FLT3: variants seen among roughly 807,000 people sequenced by gnomAD.
The protein encoded by FLT3 is fms related receptor tyrosine kinase 3, also known as receptor-type tyrosine-protein kinase FLT3.
In FLT3, 46 loss-of-function variants were observed where a neutral mutation model predicts 126.6. That is an observed-to-expected ratio of 0.36 (90% CI 0.29 to 0.46). FLT3 has a LOEUF of 0.46. FLT3 is among the 20% of genes least tolerant of loss of function. FLT3 has a pLI of 1.00. For synonymous variants in FLT3, 404 were observed against 434.4 expected (o/e 0.93, Z 0.87); for missense variants, 1,069 against 1,190.3 (o/e 0.90, Z 1.50).
intron 1 of FLT3, among the ~76,000 whole-genome samples, chr13:28,092,850 C>T (rs1448057887): frequency 6.7e-6 from 1 of 149,648 alleles, no homozygotes; most frequent in Non-Finnish European, 1.5e-5. Context: ...AAAAAGCATG[C>T]TCACACACAC....
chr13:28,025,371 T>G (rs1461664761), intron 17 of FLT3: 1 of 453,474 alleles, frequency 2.2e-6, no homozygotes, highest in East Asian at 6.9e-5. Context: ...CGTTTCACCA[T>G]CCTTCTTTTT....
At chr13:28,028,702 T>G (rs971869284) in intron 15 of FLT3, among the ~76,000 whole-genome samples, 60 of 151,218 alleles carry the variant, frequency 4.0e-4, no homozygotes, top group African/African-American at 1.2e-3. Flanking sequence ...CATCTTAAAA[T>G]AAATAAATAA....
intron 9 of FLT3, among the ~76,000 whole-genome samples, chr13:28,045,373 A>T (rs1307933536): frequency 6.6e-6 from 1 of 152,198 alleles, no homozygotes; most frequent in Non-Finnish European, 1.5e-5. Flanking sequence ...GTTGAACTAA[A>T]TTGAATCGAC....
intron 9 of FLT3, among the ~76,000 whole-genome samples, chr13:28,037,641 C>T (rs1261103607): frequency 6.6e-6 from 1 of 152,146 alleles, no homozygotes; most frequent in Non-Finnish European, 1.5e-5. Flanking sequence ...GAAGTTCCTG[C>T]CCCTCTTGCT....
intron 9 of FLT3, among the ~76,000 whole-genome samples, chr13:28,042,358 T>G (rs1440519361): frequency 6.6e-6 from 1 of 151,920 alleles, no homozygotes. Flanking sequence ...ATGATATATT[T>G]TAAGTGAAAA....
intron 5 of FLT3, among the ~76,000 whole-genome samples, chr13:28,050,764 C>T (rs1020808397): frequency 2.0e-5 from 3 of 152,080 alleles, no homozygotes; most frequent in African/African-American, 4.8e-5. Context: ...CCTCTCCCTG[C>T]CTCAGCAGAA....
At chr13:28,062,746 A>AAAAAAAAAAAAAC (rs1876686043) in intron 2 of FLT3, among the ~76,000 whole-genome samples, 1 of 150,100 alleles carries the variant, frequency 6.7e-6, no homozygotes, top group Non-Finnish European at 1.5e-5. Flanking sequence ...TCTGTCTCAA[A>AAAAAAAAAAAAAC]AAAAAAAAAA....
At chr13:28,028,937 A>G (rs1240431631) in intron 15 of FLT3, among the ~76,000 whole-genome samples, 1 of 151,444 alleles carries the variant, frequency 6.6e-6, no homozygotes, top group Non-Finnish European at 1.5e-5. Flanking sequence ...ACAGGCCATC[A>G]TGCCCAGCTA....
chr13:28,061,093 T>C (rs1220123010), intron 3 of FLT3, among the ~76,000 whole-genome samples: 1 of 151,808 alleles, frequency 6.6e-6, no homozygotes, highest in Non-Finnish European at 1.5e-5. Context: ...CGGTGGCTCA[T>C]GCCTGTAATT....
At chr13:28,016,856 TATTTG>T (rs1005822517) in intron 20 of FLT3, among the ~76,000 whole-genome samples, 9 of 152,192 alleles carry the variant, frequency 5.9e-5, no homozygotes, top group Admixed American at 5.2e-4. Flanking sequence ...CTAAGATGAT[TATTTG>T]TTTCTAGTGG....
chr13:28,009,005 C>T (rs1031037749), intron 23 of FLT3, among the ~76,000 whole-genome samples: 1 of 151,920 alleles, frequency 6.6e-6, no homozygotes, highest in Non-Finnish European at 1.5e-5. Flanking sequence ...GAGATGGGAT[C>T]TCTCTCCTTT....
intron 1 of FLT3, among the ~76,000 whole-genome samples, chr13:28,081,386 C>T (rs1878295519): frequency 6.6e-6 from 1 of 152,054 alleles, no homozygotes; most frequent in African/African-American, 2.4e-5. Flanking sequence ...TGGTATTCTT[C>T]CCTTCAATTT....
chr13:28,051,109 A>T (rs1202023509), intron 5 of FLT3, among the ~76,000 whole-genome samples: 2 of 152,258 alleles, frequency 1.3e-5, no homozygotes, highest in Non-Finnish European at 2.9e-5. Flanking sequence ...TGCTAAGCAA[A>T]CCAGGGTTCA....
chr13:28,080,873 C>G (rs1878261751), intron 1 of FLT3, among the ~76,000 whole-genome samples: 1 of 152,098 alleles, frequency 6.6e-6, no homozygotes, highest in Admixed American at 6.6e-5. Flanking sequence ...GTTCCAGTAC[C>G]ATTTGTTGAA....
Position 28,042,188 on chromosome 13 carries a change from T to TAATAATAATAATAAA in FLT3, c.1206-4901_1206-4900insTTTATTATTATTATT, listed in dbSNP as rs1555255326. The stretch of plus-strand genomic sequence containing the variant: ...ATAATAATAATAATAATAATAATAA[T>TAATAATAATAATAAA]AAATAAAAATGTCAAAGAAAGAGAA... On this transcript the variant is annotated intron_variant, in intron 9 of 23. Transcript: ENST00000241453. 1.8e-3 allele frequency among the ~76,000 whole-genome samples: 246 copies of TAATAATAATAATAAA among 136,686 alleles called. 1 individual carries two copies. The highest frequency in any genetic ancestry group is 5.0e-3 in the East Asian group (23 of 4,642). 89.7% of individuals were successfully genotyped at this position (136,686 alleles called of 152,430 possible).
rs1299197132 is a variant in FLT3 at position 28,100,487 on chromosome 13, G to A, written c.24C>T (p.Gly8=). Residue 8 remains glycine (G), a synonymous_variant, in exon 1 of 24, where the codon GGC becomes GGT. Coordinates refer to ENST00000241453, the MANE Select transcript of FLT3 (RefSeq NM_004119.3). This position sits in a 1 kb window ranked among gnomAD's most constrained non-coding sequence, Gnocchi z 4.8. ...CCTTACCGAGCAGCGGCAGCTGGCC[G>A]CCGTCGCGCGCCAACGCCGGCATGG... MPALARD[G]GQLPLLVVFS... 4 of 1,216,920 alleles carry A rather than the reference G, an allele frequency of 3.3e-6. No individual in the cohort carries two copies. Among genetic ancestry groups the A allele is most frequent in the Admixed American group, 8.6e-5 (2 of 23,128 alleles). The allele number at this position is 1,216,920 out of a possible 1,614,324, so 75.4% of individuals were successfully genotyped here.
chr13:28,091,990 A>T (rs1033494813), intron 1 of FLT3, among the ~76,000 whole-genome samples: 16 of 152,160 alleles, frequency 1.1e-4, no homozygotes, highest in African/African-American at 3.6e-4. Context: ...GAATCACTTG[A>T]ACCCAGGAGG....
At chr13:28,017,649 T>A (rs1471511366) in intron 20 of FLT3, among the ~76,000 whole-genome samples, 1 of 149,508 alleles carries the variant, frequency 6.7e-6, no homozygotes. Context: ...CAATTCACAC[T>A]GTTTTTTTTG....
At chr13:28,083,722 C>A (rs1878474240) in intron 1 of FLT3, among the ~76,000 whole-genome samples, 1 of 151,990 alleles carries the variant, frequency 6.6e-6, no homozygotes, top group African/African-American at 2.4e-5. Flanking sequence ...TAGTATGTGT[C>A]TTTTATTTTT....
Sources: gnomAD v4.1 joint callset for allele counts (sites outside exome capture counted in the v4.1 genomes callset) on GRCh38, gnomAD v4.1.1 for gene constraint, Gnocchi (gnomAD v3.1) non-coding constraint, MANE v1.5 for transcripts, NCBI Gene and HGNC (gene_info 2026-07-23, HGNC 2026-07-21) for gene names.